RPS6KC1: variants seen among roughly 807,000 people sequenced by gnomAD.
RPS6KC1 encodes inactive ribosomal protein S6 kinase delta-1.
Under a neutral mutation model 103.8 loss-of-function variants are expected in RPS6KC1, and 54 were observed. The ratio of observed to expected loss-of-function variants is 0.52; its 90% CI spans 0.42 to 0.65. RPS6KC1 has a LOEUF of 0.65. Ranked by LOEUF, RPS6KC1 falls within the 30% of genes least tolerant of loss-of-function variation. The pLI, the probability that RPS6KC1 is intolerant of heterozygous loss-of-function variation, is 0.00. For missense variants in RPS6KC1, 1,151 were observed against 1,253.8 expected (o/e 0.92, Z 1.24); for synonymous variants, 439 against 438.7 (o/e 1.00, Z -0.01).
chr1:213,522,803 T>C, the RPS6KC1 span, among the ~76,000 whole-genome samples: 1 of 152,218 alleles, frequency 6.6e-6, no homozygotes, highest in African/African-American at 2.4e-5. Context: ...AAGACTTGGC[T>C]TAAGAGAGTA....
chr1:213,485,929 G>T, the RPS6KC1 span, among the ~76,000 whole-genome samples: 1 of 152,144 alleles, frequency 6.6e-6, no homozygotes, highest in Admixed American at 6.5e-5. Flanking sequence ...AGAGAGCATA[G>T]GCACTCTGGA....
At chr1:213,363,702 C>G in the RPS6KC1 span, among the ~76,000 whole-genome samples, 53 of 58,872 alleles carry the variant, frequency 9.0e-4, 15 homozygotes, top group African/African-American at 7.2e-3. Flanking sequence ...TTCTTTCTTT[C>G]CTTCTTTCTT....
intron 1 of RPS6KC1, among the ~76,000 whole-genome samples, chr1:213,064,974 CTT>C (rs34664044): frequency 4.5e-5 from 4 of 89,722 alleles, no homozygotes; most frequent in Admixed American, 1.5e-4. Flanking sequence ...CGTGCCCGGC[CTT>C]TTTTTTTTTT....
chr1:213,121,427 T>A (rs2084373048), intron 5 of RPS6KC1, among the ~76,000 whole-genome samples: 1 of 152,234 alleles, frequency 6.6e-6, no homozygotes, highest in African/African-American at 2.4e-5. Flanking sequence ...CTGGTTACTC[T>A]TTATCTCCTT....
the RPS6KC1 span, among the ~76,000 whole-genome samples, chr1:213,363,110 C>T: frequency 2.0e-5 from 3 of 152,218 alleles, no homozygotes; most frequent in Non-Finnish European, 4.4e-5. Flanking sequence ...TCAGCAGCAT[C>T]CTGCTCTAGG....
At chr1:213,377,305 TA>T in the RPS6KC1 span, among the ~76,000 whole-genome samples, 9 of 152,188 alleles carry the variant, frequency 5.9e-5, no homozygotes, top group Non-Finnish European at 8.8e-5. Context: ...GGAAGGAAAG[TA>T]AAAATCATGA....
At chr1:213,602,593 T>C in the RPS6KC1 span, among the ~76,000 whole-genome samples, 2 of 152,250 alleles carry the variant, frequency 1.3e-5, no homozygotes, top group African/African-American at 2.4e-5. Context: ...ATAGTCTTCT[T>C]TGGGGCTCTT....
At chr1:213,339,258 C>T in the RPS6KC1 span, among the ~76,000 whole-genome samples, 1 of 151,936 alleles carries the variant, frequency 6.6e-6, no homozygotes, top group African/African-American at 2.4e-5. Flanking sequence ...AAGAGCGAAA[C>T]TCTGTCTCAA....
the RPS6KC1 span, among the ~76,000 whole-genome samples, chr1:213,300,796 G>A: frequency 6.6e-6 from 1 of 152,204 alleles, no homozygotes; most frequent in African/African-American, 2.4e-5. Flanking sequence ...GGCAGAGGCA[G>A]TTTAAATGTT....
chr1:213,324,798 G>C, the RPS6KC1 span, among the ~76,000 whole-genome samples: 1 of 151,860 alleles, frequency 6.6e-6, no homozygotes, highest in South Asian at 2.1e-4. Flanking sequence ...GTGAGATGGC[G>C]GCACCCAGCT....
At chr1:213,447,457 A>G in the RPS6KC1 span, among the ~76,000 whole-genome samples, 1 of 152,334 alleles carries the variant, frequency 6.6e-6, no homozygotes, top group African/African-American at 2.4e-5. Context: ...AACAATACCC[A>G]AAATATTGTT....
intron 9 of RPS6KC1, among the ~76,000 whole-genome samples, chr1:213,231,091 C>G (rs773181486): frequency 1.3e-5 from 2 of 152,010 alleles, no homozygotes; most frequent in African/African-American, 4.8e-5. Flanking sequence ...GTTTTTGATA[C>G]AGAGTATGGA....
the RPS6KC1 span, among the ~76,000 whole-genome samples, chr1:213,833,573 G>T: frequency 6.6e-6 from 1 of 152,212 alleles, no homozygotes; most frequent in East Asian, 1.9e-4. Context: ...TCTTGGCTCT[G>T]GGATCTCCAC....
chr1:213,276,407 C>T (rs78768078), downstream of RPS6KC1, among the ~76,000 whole-genome samples: 206 of 152,232 alleles, frequency 1.4e-3, no homozygotes, highest in African/African-American at 4.6e-3. Flanking sequence ...GCTCTTTCTT[C>T]GAGAATTGTG....
rs920436661 is a variant in RPS6KC1, at chr1:213,137,026, A to G, written c.835+7137A>G. Among the ~76,000 whole-genome samples the G allele has an allele frequency of 3.3e-5, 5 of 152,054 alleles. No individual in the cohort carries two copies. In the East Asian group the frequency reaches 9.7e-4, roughly 29 times the overall value. ...CTTTTTTCTATTCCCATTCCTTACA[A>G]GGGCAGGGTTCCAGTTTTGAGAGCC... is the stretch of plus-strand genomic sequence containing the variant. On this transcript the variant is annotated intron_variant, in intron 6 of 14. Coordinates refer to ENST00000366960, the MANE Select transcript of RPS6KC1 (RefSeq NM_012424.6).
At chr1:213,320,590 G>T in the RPS6KC1 span, among the ~76,000 whole-genome samples, 26 of 152,174 alleles carry the variant, frequency 1.7e-4, no homozygotes, top group Non-Finnish European at 3.4e-4. Flanking sequence ...TTATTGACTA[G>T]AGTGACTACT....
At chr1:213,832,242 T>C in the RPS6KC1 span, among the ~76,000 whole-genome samples, 9 of 152,320 alleles carry the variant, frequency 5.9e-5, 1 homozygote, top group East Asian at 1.7e-3. Context: ...GGAAGAAGCC[T>C]TAATTCTATT....
the RPS6KC1 span, among the ~76,000 whole-genome samples, chr1:213,781,630 A>T: frequency 6.6e-6 from 1 of 152,176 alleles, no homozygotes; most frequent in African/African-American, 2.4e-5. Context: ...GTCAATTGTT[A>T]TTGAGGGACA....
chr1:213,720,610 G>A, the RPS6KC1 span, among the ~76,000 whole-genome samples: 1 of 152,180 alleles, frequency 6.6e-6, no homozygotes, highest in East Asian at 1.9e-4. Context: ...ACTTGTTTTA[G>A]GTACAGAGAA....
Sources: allele counts gnomAD v4.1 joint callset (sites outside exome capture counted in the v4.1 genomes callset), GRCh38; gene constraint gnomAD v4.1.1; transcripts MANE v1.5; gene names NCBI Gene and HGNC (gene_info 2026-07-23, HGNC 2026-07-21).